MYO5B: variants seen among roughly 807,000 people sequenced by gnomAD.
The protein encoded by MYO5B is myosin VB, also known as unconventional myosin-Vb.
In MYO5B, 143 loss-of-function variants were observed where a neutral mutation model predicts 229.3. That is an observed-to-expected ratio of 0.62 (90% confidence interval 0.54 to 0.72). The LOEUF (loss-of-function observed/expected upper bound fraction) is 0.72. Among genes scored for constraint, MYO5B ranks in the 30% least tolerant of loss-of-function variants. The pLI is 0.00. For missense variants in MYO5B, 2,321 were observed against 2,331.0 expected (o/e 1.00, Z 0.09); for synonymous variants, 918 against 885.2 (o/e 1.04, Z -0.66).
At chr18:49,901,941 A>G (rs1016162098) in intron 21 of MYO5B, among the ~76,000 whole-genome samples, 1 of 152,204 alleles carries the variant, frequency 6.6e-6, no homozygotes, top group African/African-American at 2.4e-5. Context: ...CGCCAGCCCC[A>G]TACCCCACAC....
chr18:49,909,738 C>A (rs2024937664), intron 18 of MYO5B, among the ~76,000 whole-genome samples: 2 of 152,132 alleles, frequency 1.3e-5, no homozygotes, highest in Non-Finnish European at 1.5e-5. Context: ...GAGTAGCTAA[C>A]AACATCTGGG....
intron 5 of MYO5B, among the ~76,000 whole-genome samples, chr18:49,996,924 T>C (rs1313222813): frequency 6.6e-6 from 1 of 152,230 alleles, no homozygotes; most frequent in Non-Finnish European, 1.5e-5. Context: ...TAAGGTGTAC[T>C]GGGAGCAGAT....
At chr18:49,971,956 T>C (rs2025696739) in intron 10 of MYO5B, among the ~76,000 whole-genome samples, 1 of 152,078 alleles carries the variant, frequency 6.6e-6, no homozygotes, top group African/African-American at 2.4e-5. Flanking sequence ...AAAAACAACA[T>C]AGCATGCCCG....
In MYO5B at chr18:50,080,911, C is replaced by T. The variant is rs138854539; in HGVS notation, c.28-25533G>A. 9.9e-5 allele frequency among the ~76,000 whole-genome samples: 15 copies of T among 152,278 alleles called. No homozygotes were observed. The East Asian group carries it at 2.7e-3, about 27-fold the overall frequency. On this transcript the variant is annotated intron_variant, in intron 1 of 39. Transcript: ENST00000285039. ...TTAAGTCACTTGCCAGCCCGTCCCA[C>T]TCTTTGGGAGGTTCCACATTTCATG...
chr18:50,180,882 G>T lies in MYO5B; in HGVS notation c.27+13885C>A, dbSNP rs2033064076. Among the ~76,000 whole-genome samples, 3 of 152,176 alleles carry T rather than the reference G, an allele frequency of 2.0e-5. 1 individual carries two copies. The South Asian group carries it at 6.2e-4, about 32-fold the overall frequency. ...TTTAAGGCTGAATATATCCCACTGTGTGGGCAGACCACATCTCATTCATCC... is the reference window on the plus strand; with the variant it reads ...TTTAAGGCTGAATATATCCCACTGTTTGGGCAGACCACATCTCATTCATCC... On this transcript the variant is annotated intron_variant, in intron 1 of 39. Transcript: ENST00000285039.
chr18:50,077,422 C>A (rs756278352), intron 1 of MYO5B, among the ~76,000 whole-genome samples: 1 of 151,396 alleles, frequency 6.6e-6, no homozygotes, highest in Non-Finnish European at 1.5e-5. Flanking sequence ...AGTGGCCCTG[C>A]ATCTGGATGC....
chr18:50,064,237 T>G (rs958149740), intron 1 of MYO5B: 1 of 153,220 alleles, frequency 6.5e-6, no homozygotes, highest in Non-Finnish European at 1.5e-5. Context: ...AATGACCTAA[T>G]GGCCTAAGTG....
chr18:49,881,978 C>T (rs567410106), intron 22 of MYO5B, among the ~76,000 whole-genome samples: 1 of 152,230 alleles, frequency 6.6e-6, no homozygotes, highest in African/African-American at 2.4e-5. Context: ...AACATGGGGG[C>T]TAAATTGCAA....
intron 1 of MYO5B, among the ~76,000 whole-genome samples, chr18:50,129,082 G>A (rs995964410): frequency 2.6e-5 from 4 of 152,202 alleles, no homozygotes; most frequent in African/African-American, 7.2e-5. Flanking sequence ...AGGTGGCAGG[G>A]AATGCTCAGT....
At chr18:49,959,017 C>T (rs1790799) in intron 12 of MYO5B, among the ~76,000 whole-genome samples, 134,869 of 152,130 alleles carry the variant, frequency 0.89, 60,036 homozygotes, top group African/African-American at 0.97. Flanking sequence ...AGGGTGGACA[C>T]GGCTTCTCAT....
chr18:50,162,641 C>T (rs746987836), intron 1 of MYO5B, among the ~76,000 whole-genome samples: 34 of 152,234 alleles, frequency 2.2e-4, no homozygotes, highest in Non-Finnish European at 4.1e-4. Flanking sequence ...CCCTCGACCA[C>T]ATCACATTAT....
intron 1 of MYO5B, among the ~76,000 whole-genome samples, chr18:50,112,309 A>G (rs865855906): frequency 6.6e-5 from 10 of 152,344 alleles, no homozygotes; most frequent in Middle Eastern, 6.8e-3. Flanking sequence ...TCACGGCTCC[A>G]AGGGGCTCCT....
intron 14 of MYO5B, among the ~76,000 whole-genome samples, chr18:49,950,486 G>A (rs879577908): frequency 3.3e-4 from 50 of 152,184 alleles, no homozygotes; most frequent in African/African-American, 1.1e-3. Context: ...ATACATAAAG[G>A]ATATTCATTG....
In MYO5B at chr18:49,970,664, G is replaced by A. The variant is rs145927540; in HGVS notation, c.1322+3686C>T. On this transcript the variant is annotated intron_variant, in intron 10 of 39. Coordinates refer to ENST00000285039, the MANE Select transcript of MYO5B (RefSeq NM_001080467.3). ...GAAAAAGTGGAGTGGCTCATGTTTG[G>A]TACAGAATTATTTCGGTTCATGAAT... 2.9e-3 allele frequency among the ~76,000 whole-genome samples: 445 copies of A among 152,266 alleles called. 3 individuals are homozygous for A. The highest frequency in any genetic ancestry group is 0.01 in the African/African-American group (420 of 41,552).
chr18:49,900,911 G>T (rs928409717), intron 21 of MYO5B, among the ~76,000 whole-genome samples: 1 of 152,166 alleles, frequency 6.6e-6, no homozygotes, highest in Admixed American at 6.5e-5. Context: ...TAAAAAACCC[G>T]CAATGCCCCC....
At chr18:50,117,645 C>T (rs2031986325) in intron 1 of MYO5B, among the ~76,000 whole-genome samples, 1 of 151,526 alleles carries the variant, frequency 6.6e-6, no homozygotes, top group African/African-American at 2.4e-5. Flanking sequence ...ATTAAGAAAA[C>T]AGGGCCATTA....
chr18:49,980,607 G>T (rs555862503), intron 8 of MYO5B, 54 bp from the exon 9 acceptor site: 4 of 1,313,720 alleles, frequency 3.0e-6, no homozygotes, highest in South Asian at 1.2e-5. Context: ...GGACAGAAAG[G>T]ACATTTTACC....
chr18:50,059,927 T>C (rs1432700773), intron 1 of MYO5B, among the ~76,000 whole-genome samples: 1 of 152,110 alleles, frequency 6.6e-6, no homozygotes, highest in African/African-American at 2.4e-5. Flanking sequence ...ATGATGAGTA[T>C]AAAATATATG....
intron 1 of MYO5B, among the ~76,000 whole-genome samples, chr18:50,113,134 G>A (rs2031896363): frequency 6.6e-6 from 1 of 152,178 alleles, no homozygotes; most frequent in Admixed American, 6.5e-5. Flanking sequence ...CTGAGTGTGA[G>A]GAGGCATCTT....
Sources: allele counts gnomAD v4.1 joint callset (sites outside exome capture counted in the v4.1 genomes callset), GRCh38; gene constraint gnomAD v4.1.1; transcripts MANE v1.5; gene names NCBI Gene and HGNC (gene_info 2026-07-23, HGNC 2026-07-21).